Variants in LAMA3 observed in about 807,000 individuals in gnomAD.
LAMA3 encodes laminin subunit alpha-3.
LAMA3 carries 281 observed loss-of-function variants against 402.0 expected under a neutral mutation model. The ratio of observed to expected loss-of-function variants is 0.70; its 90% CI spans 0.63 to 0.77. LAMA3 has a LOEUF of 0.77. LAMA3 is among the 30% of genes least tolerant of loss of function. The pLI, the probability that LAMA3 is intolerant of heterozygous loss-of-function variation, is 0.00. For missense variants in LAMA3, 3,840 were observed against 4,215.5 expected (o/e 0.91, Z 2.47); for synonymous variants, 1,431 against 1,558.4 (o/e 0.92, Z 1.93).
Position 23,827,425 on chromosome 18 carries a change from C to A in LAMA3, c.2781C>A (p.Pro927=), listed in dbSNP as rs1198373281. 1.2e-6 allele frequency: 2 copies of A among 1,614,188 alleles called. No individual in the cohort carries two copies. The highest frequency in any genetic ancestry group is 2.2e-5 in the South Asian group (2 of 91,080). Residue 927 remains proline (P), a synonymous_variant, in exon 23 of 75, where the codon CCC becomes CCA. Transcript: ENST00000313654. ...GEPRPVAVRQ[P]TPAHPVMVDL... Reference sequence around the variant, plus strand: ...CAAGACCCGTGGCAGTGAGGCAGCCCACACCTGCACACCCTGTCATGGTGG... The same window carrying A: ...CAAGACCCGTGGCAGTGAGGCAGCCAACACCTGCACACCCTGTCATGGTGG...
At chr18:23,785,352 C>T (rs935620369) in intron 12 of LAMA3, among the ~76,000 whole-genome samples, 26 of 152,316 alleles carry the variant, frequency 1.7e-4, no homozygotes, top group Middle Eastern at 3.4e-3. Context: ...AGGTCAGCCA[C>T]ACTAAGGAAC....
intron 8 of LAMA3, among the ~76,000 whole-genome samples, chr18:23,764,078 C>G (rs2062028614): frequency 6.6e-6 from 1 of 152,112 alleles, no homozygotes; most frequent in African/African-American, 2.4e-5. Context: ...ACAGTCCTGT[C>G]AAATGTTTAT....
At chr18:23,791,734 TAAAAAAAAAAAAAA>T (rs11348422) in intron 12 of LAMA3, among the ~76,000 whole-genome samples, 3 of 89,692 alleles carry the variant, frequency 3.3e-5, no homozygotes, top group African/African-American at 9.0e-5. Flanking sequence ...AGAATTTGTC[TAAAAAAAAAAAAAA>T]AAAAAAAACC....
At chr18:23,690,068 G>A in intron 1 of LAMA3, 91 bp downstream of exon 1, 2 of 1,048,506 alleles carry the variant, frequency 1.9e-6, no homozygotes, top group Non-Finnish European at 1.3e-6. Context: ...CTTTCCTCAC[G>A]CGCGCTAGTG....
At chr18:23,758,339 A>G in intron 6 of LAMA3, 57 bp from the exon 7 acceptor site, 1 of 1,309,080 alleles carries the variant, frequency 7.6e-7, no homozygotes, top group Non-Finnish European at 1.1e-6. Context: ...CTATAGGATC[A>G]ACTGATCCTC....
intron 43 of LAMA3, 57 bp downstream of exon 43, chr18:23,894,405 A>T: frequency 7.0e-7 from 1 of 1,422,464 alleles, no homozygotes; most frequent in South Asian, 1.1e-5. Flanking sequence ...GGTTTAAGAT[A>T]TGTGAGCACC....
intron 64 of LAMA3, among the ~76,000 whole-genome samples, chr18:23,929,929 A>G (rs2082114924): frequency 6.6e-6 from 1 of 152,238 alleles, no homozygotes; most frequent in Admixed American, 6.5e-5. Context: ...CAATGGGGGA[A>G]TCCTGGATAT....
Position 23,804,379 on chromosome 18 carries a change from C to T in LAMA3, c.1604-5987C>T, listed in dbSNP as rs563819685. Among the ~76,000 whole-genome samples the T allele has an allele frequency of 5.3e-5, 8 of 152,324 alleles. No homozygotes were observed. In the South Asian group the frequency reaches 1.7e-3, roughly 32 times the overall value. ...TGCAGAGCCTTCCCTTGTTCTGGGA[C>T]TCACACTACTGGACCCTTAGAAATT... On this transcript the variant is annotated intron_variant, in intron 12 of 74. Transcript: ENST00000313654.
intron 12 of LAMA3, among the ~76,000 whole-genome samples, chr18:23,799,346 AGT>A (rs1409982305): frequency 6.6e-6 from 1 of 152,248 alleles, no homozygotes; most frequent in African/African-American, 2.4e-5. Context: ...TATTTCCAAG[AGT>A]GAGAAAAGGG....
Position 23,824,592 on chromosome 18 carries a change from T to C in LAMA3, c.2571+27T>C, listed in dbSNP as rs373339717. 4.5e-5 allele frequency: 72 copies of C among 1,612,600 alleles called. No homozygotes were observed. The Middle Eastern group carries it at 4.9e-4, about 11-fold the overall frequency. ...TAAGACTTAGTTCTGAATGGAGAGC[T>C]CCTGCGGGATTCTTCCTACCTCAGA... is the stretch of plus-strand genomic sequence containing the variant. On this transcript the variant is annotated intron_variant, in intron 21 of 74. Coordinates refer to ENST00000313654, the MANE Select transcript of LAMA3 (RefSeq NM_198129.4).
rs772106123 is a variant in LAMA3, at chr18:23,928,739, G to A, written c.8410G>A (p.Gly2804Ser). The A allele has an allele frequency of 2.5e-5, 40 of 1,613,844 alleles. No homozygotes were observed. Among genetic ancestry groups the A allele is most frequent in the Middle Eastern group, 1.6e-4 (1 of 6,084 alleles). ...SFGFQTFQPS[G>S]ILLDHQTWTR... ...TGGATTTCAGACCTTTCAACCCAGT[G>A]GCATATTATTAGATCATCAGACATG... The change falls in exon 64 of 75, where the codon GGC becomes AGC. Residue 2804 changes from glycine to serine, a missense_variant. Transcript: ENST00000313654.
chr18:23,729,506 T>C (rs1363069885), intron 2 of LAMA3, among the ~76,000 whole-genome samples: 1 of 152,220 alleles, frequency 6.6e-6, no homozygotes, highest in East Asian at 1.9e-4. Context: ...ATTTCAAAAA[T>C]AGATGGTAGG....
intron 2 of LAMA3, among the ~76,000 whole-genome samples, chr18:23,743,777 C>T (rs112195953): frequency 6.6e-5 from 10 of 152,316 alleles, no homozygotes; most frequent in Non-Finnish European, 7.4e-5. Flanking sequence ...TACAAAAGCA[C>T]GTGGAGAGAT....
rs966790484 is a variant in LAMA3, at chr18:23,951,727, C to T, written c.9686C>T (p.Ser3229Leu). ...MDSGAGGTSTSVTPKQSLCDG... is the reference protein window; with the variant it reads ...MDSGAGGTSTLVTPKQSLCDG... ...AGTGGGGCAGGTGGGACCTCAACGT[C>T]GGTCACACCAAAGCAGTCTCTGTGT... The change falls in exon 73 of 75, where the codon TCG becomes TTG. Residue 3229 changes from serine (S) to leucine (L), a missense_variant. This residue lies in a region of LAMA3 where 840 missense variants were observed against 981.9 expected (regional missense o/e 0.86). Transcript: ENST00000313654. 1.3e-5 allele frequency: 21 copies of T among 1,613,784 alleles called. No individual in the cohort carries two copies. The highest frequency in any genetic ancestry group is 1.6e-5 in the Non-Finnish European group (19 of 1,179,920).
At position 23,914,743 on chromosome 18, in the gene LAMA3, C is replaced by T; in HGVS notation, c.7527C>T (p.Ser2509=). Reference sequence around the variant, plus strand: ...TTAATTACACCAAAGGAGCCACATCCAGTAAACCAGAAACACCCGGAGTCT... The same window carrying T: ...TTAATTACACCAAAGGAGCCACATCTAGTAAACCAGAAACACCCGGAGTCT... ...ARLNYTKGAT[S]SKPETPGVYD... The change falls in exon 58 of 75, where the codon TCC becomes TCT. Residue 2509 remains serine, a synonymous_variant. Coordinates refer to ENST00000313654, the MANE Select transcript of LAMA3 (RefSeq NM_198129.4). The T allele has an allele frequency of 1.2e-6, 2 of 1,613,684 alleles. No individual in the cohort carries two copies. The highest frequency in any genetic ancestry group is 1.7e-6 in the Non-Finnish European group (2 of 1,179,654).
At chr18:23,760,128 A>G (rs1194837800) in intron 7 of LAMA3, among the ~76,000 whole-genome samples, 1 of 152,224 alleles carries the variant, frequency 6.6e-6, no homozygotes, top group Non-Finnish European at 1.5e-5. Context: ...TGTAAATAAC[A>G]TGCTTCACTC....
intron 41 of LAMA3, among the ~76,000 whole-genome samples, chr18:23,886,713 T>G (rs1038987932): frequency 1.3e-5 from 2 of 152,228 alleles, no homozygotes; most frequent in African/African-American, 2.4e-5. Context: ...TTTGACTAAT[T>G]TTTGTTTAAC....
At chr18:23,728,814 TG>T (rs2061340718) in intron 2 of LAMA3, among the ~76,000 whole-genome samples, 1 of 152,098 alleles carries the variant, frequency 6.6e-6, no homozygotes, top group Admixed American at 6.6e-5. Flanking sequence ...GCGGGTCACC[TG>T]AAGTCAGGAG....
At chr18:23,730,961 G>A (rs1375630560) in intron 2 of LAMA3, among the ~76,000 whole-genome samples, 1 of 151,970 alleles carries the variant, frequency 6.6e-6, no homozygotes, top group African/African-American at 2.4e-5. Flanking sequence ...TTATTTCTTG[G>A]GTTTTTTCTA....
Sources: allele counts gnomAD v4.1 joint callset (sites outside exome capture counted in the v4.1 genomes callset), GRCh38; gene constraint gnomAD v4.1.1; regional missense constraint gnomAD v4.1.1; transcripts MANE v1.5; gene names NCBI Gene and HGNC (gene_info 2026-07-23, HGNC 2026-07-21).